The following UBE2E1 variants were observed in gnomAD, a reference collection of about 807,000 sequenced individuals.
The protein encoded by UBE2E1 is ubiquitin-conjugating enzyme E2 E1.
In UBE2E1, 6 loss-of-function variants were observed where a neutral mutation model predicts 21.4. The ratio of observed to expected loss-of-function variants is 0.28; its 90% CI spans 0.15 to 0.55. UBE2E1 has a LOEUF of 0.55. UBE2E1 is among the 20% of genes least tolerant of loss of function. UBE2E1 has a pLI of 0.93. For missense variants in UBE2E1, 142 were observed against 236.5 expected (o/e 0.60, Z 2.62); for synonymous variants, 87 against 82.7 (o/e 1.05, Z -0.28).
At chr3:23,852,559 C>A (rs927639482) in intron 3 of UBE2E1, among the ~76,000 whole-genome samples, 3 of 152,114 alleles carry the variant, frequency 2.0e-5, no homozygotes, top group Non-Finnish European at 2.9e-5. Flanking sequence ...AAATACAGAT[C>A]GTGTTACTTC....
At chr3:23,886,983 A>T (rs965150064) in intron 3 of UBE2E1, among the ~76,000 whole-genome samples, 1 of 152,182 alleles carries the variant, frequency 6.6e-6, no homozygotes, top group Non-Finnish European at 1.5e-5. Context: ...TATTTAGAGA[A>T]CCCAATTATA....
In UBE2E1 at chr3:23,841,791, A is replaced by G. The variant is rs544972029; in HGVS notation, c.203+30281A>G. ...TTCTGACACAGAAATTTGAAATCCA[A>G]TGGGTTGGTGAGTGAAAAAGTCACA... On this transcript the variant is annotated intron_variant, in intron 3 of 5. Coordinates refer to ENST00000306627, the MANE Select transcript of UBE2E1 (RefSeq NM_003341.5). 1.2e-4 allele frequency among the ~76,000 whole-genome samples: 18 copies of G among 152,286 alleles called. 1 individual carries two copies. The South Asian group carries it at 1.2e-3, about 11-fold the overall frequency.
intron 3 of UBE2E1, among the ~76,000 whole-genome samples, chr3:23,838,749 G>A (rs1455397782): frequency 6.6e-6 from 1 of 152,108 alleles, no homozygotes; most frequent in African/African-American, 2.4e-5. Context: ...TGCCTGCCTC[G>A]GCCTCCCAGA....
rs1575807979 is a variant in UBE2E1 at position 23,822,325 on chromosome 3, T to C, written c.203+10815T>C. ...TATTACTCTTCCTAGTTAAAATATTTCATTGTATTTATCCAGAAAAGTGAT... is the reference window on the plus strand; with the variant it reads ...TATTACTCTTCCTAGTTAAAATATTCCATTGTATTTATCCAGAAAAGTGAT... On this transcript the variant is annotated intron_variant, in intron 3 of 5. Transcript: ENST00000306627. 3.3e-5 allele frequency among the ~76,000 whole-genome samples: 5 copies of C among 152,348 alleles called. No homozygotes were observed. In the South Asian group the frequency reaches 1.0e-3, roughly 32 times the overall value.
At chr3:23,886,392 G>T (rs1390685792) in intron 3 of UBE2E1, among the ~76,000 whole-genome samples, 3 of 152,168 alleles carry the variant, frequency 2.0e-5, no homozygotes, top group Non-Finnish European at 4.4e-5. Flanking sequence ...CAGTGTCCGA[G>T]CTCTTTCTGC....
At chr3:23,869,236 T>C (rs1268716234) in intron 3 of UBE2E1, among the ~76,000 whole-genome samples, 4 of 152,186 alleles carry the variant, frequency 2.6e-5, no homozygotes, top group Admixed American at 2.0e-4. Context: ...TTTTCCACTT[T>C]TGAGAACTGC....
rs576808763 is a variant in UBE2E1 at position 23,849,983 on chromosome 3, T to A, written c.204-37584T>A. Among the ~76,000 whole-genome samples, 130 of 152,332 alleles carry A rather than the reference T, an allele frequency of 8.5e-4. 1 individual carries two copies. Among genetic ancestry groups the A allele is most frequent in the Non-Finnish European group, 9.0e-4 (61 of 68,036 alleles). On this transcript the variant is annotated intron_variant, in intron 3 of 5. Coordinates refer to ENST00000306627, the MANE Select transcript of UBE2E1 (RefSeq NM_003341.5). ...GATTTTCATTTTTAAAAAATGACAT[T>A]CAGAATTGTATTTTTCTAATAGCAA...
chr3:23,874,818 T>C (rs1174940969), intron 3 of UBE2E1, among the ~76,000 whole-genome samples: 1 of 152,202 alleles, frequency 6.6e-6, no homozygotes, highest in Non-Finnish European at 1.5e-5. Flanking sequence ...CTTACTTTAA[T>C]TCTAATCACT....
chr3:23,877,665 G>A (rs1700944413), intron 3 of UBE2E1, among the ~76,000 whole-genome samples: 1 of 152,090 alleles, frequency 6.6e-6, no homozygotes, highest in Non-Finnish European at 1.5e-5. Flanking sequence ...GGGTGTTTGG[G>A]GGGGTTTGTG....
At chr3:23,854,571 T>TAGA (rs1700396476) in intron 3 of UBE2E1, among the ~76,000 whole-genome samples, 1 of 152,214 alleles carries the variant, frequency 6.6e-6, no homozygotes, top group African/African-American at 2.4e-5. Flanking sequence ...CAGGCTCTTT[T>TAGA]GAGTCAGGTA....
rs984186576 is a variant in UBE2E1 at position 23,887,390 on chromosome 3, T to C, written c.204-177T>C. The stretch of plus-strand genomic sequence containing the variant: ...AACATTCTTTTATCATCCAGTTTGC[T>C]TGACCAATGGCTATGGGTTTGTTGC... On this transcript the variant is annotated intron_variant, in intron 3 of 5. Coordinates refer to ENST00000306627, the MANE Select transcript of UBE2E1 (RefSeq NM_003341.5). The surrounding 1 kb of genome is among the most constrained non-coding windows in gnomAD (Gnocchi z 4.4). Among the ~76,000 whole-genome samples the C allele has an allele frequency of 1.3e-5, 2 of 152,242 alleles. No homozygotes were observed. Among genetic ancestry groups the C allele is most frequent in the Non-Finnish European group, 2.9e-5 (2 of 68,038 alleles).
chr3:23,887,850 T>C lies in UBE2E1; in HGVS notation c.336+151T>C, dbSNP rs1016998236. 28 of 1,106,350 alleles carry C rather than the reference T, an allele frequency of 2.5e-5. No homozygotes were observed. In the African/African-American group the frequency reaches 4.1e-4, roughly 16 times the overall value. 68.5% of individuals were successfully genotyped at this position (1,106,350 alleles called of 1,614,324 possible). Reference sequence around the variant, plus strand: ...TTTTAACATATACAAAACACTTCTTTAGGTTGATTTTGCCTTATCTGGCAG... The same window carrying C: ...TTTTAACATATACAAAACACTTCTTCAGGTTGATTTTGCCTTATCTGGCAG... On this transcript the variant is annotated intron_variant, in intron 4 of 5. Transcript: ENST00000306627. The surrounding 1 kb of genome is among the most constrained non-coding windows in gnomAD (Gnocchi z 4.4).
intron 3 of UBE2E1, among the ~76,000 whole-genome samples, chr3:23,851,403 C>T (rs760378240): frequency 5.3e-5 from 8 of 151,960 alleles, no homozygotes; most frequent in South Asian, 2.1e-4. Context: ...TTTTAGGATC[C>T]GCTTGTCAAT....
rs1379167309 is a variant in UBE2E1, at chr3:23,806,094, G to C, written c.-34+6G>C. 6.6e-6 allele frequency: 1 copy of C among 150,492 alleles called. No individual in the cohort carries two copies. The highest frequency in any genetic ancestry group is 6.6e-5 in the Admixed American group (1 of 15,084). The allele number at this position is 150,492 out of a possible 1,614,324, so 9.3% of individuals were successfully genotyped here. On this transcript the variant is annotated splice_donor_region_variant and intron_variant, in intron 1 of 5. Transcript: ENST00000306627. The surrounding 1 kb of genome is among the most constrained non-coding windows in gnomAD (Gnocchi z 6.5). ...GGAGCCAGACACAAAGAGAGGTACG[G>C]GGATCCCCCCAGCGGCCCGCCGCCC...
chr3:23,841,468 T>G (rs1700085707), intron 3 of UBE2E1, among the ~76,000 whole-genome samples: 1 of 152,200 alleles, frequency 6.6e-6, no homozygotes, highest in African/African-American at 2.4e-5. Flanking sequence ...CGATTAAAGG[T>G]CAAGCCATAC....
At chr3:23,889,450 T>C in intron 5 of UBE2E1, 191 bp downstream of exon 5, 1 of 1,423,778 alleles carries the variant, frequency 7.0e-7, no homozygotes, top group Non-Finnish European at 9.1e-7. Flanking sequence ...TTAATCAGTA[T>C]ATTCTAGCAA....
intron 3 of UBE2E1, among the ~76,000 whole-genome samples, chr3:23,847,326 C>T (rs182340294): frequency 5.9e-5 from 9 of 151,720 alleles, no homozygotes; most frequent in South Asian, 4.2e-4. Context: ...ATCAGTAGTA[C>T]GTAGTGAAAA....
intron 3 of UBE2E1, among the ~76,000 whole-genome samples, chr3:23,874,130 C>A (rs1276560844): frequency 1.3e-5 from 2 of 152,226 alleles, no homozygotes; most frequent in Non-Finnish European, 2.9e-5. Flanking sequence ...GTGGAAGCTG[C>A]ATAAGGAGCT....
intron 3 of UBE2E1, chr3:23,878,917 C>T: frequency 8.4e-6 from 3 of 358,986 alleles, no homozygotes; most frequent in South Asian, 6.9e-5. Flanking sequence ...TCCCACCCCC[C>T]ATCTGTGGAA....
Sources: allele counts gnomAD v4.1 joint callset (sites outside exome capture counted in the v4.1 genomes callset), GRCh38; gene constraint gnomAD v4.1.1; non-coding constraint Gnocchi (gnomAD v3.1); transcripts MANE v1.5; gene names NCBI Gene and HGNC (gene_info 2026-07-23, HGNC 2026-07-21).